Variants in LRRC8E observed in about 807,000 individuals in gnomAD.
LRRC8E encodes the protein volume-regulated anion channel subunit LRRC8E.
In LRRC8E, 6 loss-of-function variants were observed where a neutral mutation model predicts 6.1. That is an observed-to-expected ratio of 0.98 (90% CI 0.54 to 1.93). LRRC8E has a LOEUF of 1.93. Ranked by LOEUF, LRRC8E falls within the 30% of genes most tolerant of loss-of-function variation. The pLI, the probability that LRRC8E is intolerant of heterozygous loss-of-function variation, is 0.01. For synonymous variants in LRRC8E, 485 were observed against 472.8 expected (o/e 1.03, Z -0.33); for missense variants, 1,028 against 1,031.4 (o/e 1.00, Z 0.04).
At chr19:7,896,254 C>CTT (rs112146241) in intron 2 of LRRC8E, among the ~76,000 whole-genome samples, 6 of 136,542 alleles carry the variant, frequency 4.4e-5, no homozygotes, top group Admixed American at 7.4e-5. Flanking sequence ...CTTTTTTTTT[C>CTT]TTTTTTTTTT....
chr19:7,896,695 G>A (rs1021148713), intron 2 of LRRC8E, among the ~76,000 whole-genome samples: 1 of 152,192 alleles, frequency 6.6e-6, no homozygotes, highest in African/African-American at 2.4e-5. Flanking sequence ...CTGGACTCAA[G>A]TGATCTTCCC....
In LRRC8E at chr19:7,900,575, C is replaced by A. The variant is rs1218433895; in HGVS notation, c.2053C>A (p.His685Asn). The A allele has an allele frequency of 6.2e-7, 1 of 1,613,128 alleles. No homozygotes were observed. Among genetic ancestry groups the A allele is most frequent in the East Asian group, 2.2e-5 (1 of 44,894 alleles). ...AGGCCTCCGTCTGCTGGATGTGTCC[C>A]ACAATGGGCTACACTCCCTGCCACC... Reference protein sequence around the residue: ...CSGLRLLDVSHNGLHSLPPEV... With the variant: ...CSGLRLLDVSNNGLHSLPPEV... The change falls in exon 3 of 3, where the codon CAC becomes AAC. Residue 685 changes from histidine to asparagine, a missense_variant. Transcript: ENST00000306708. This position sits in a 1 kb window ranked among gnomAD's most constrained non-coding sequence, Gnocchi z 5.0.
In LRRC8E at chr19:7,895,812, T is replaced by C; in HGVS notation, c.138+71T>C. On this transcript the variant is annotated intron_variant, in intron 2 of 2. Coordinates refer to ENST00000306708, the MANE Select transcript of LRRC8E (RefSeq NM_025061.6). The surrounding 1 kb of genome is among the most constrained non-coding windows in gnomAD (Gnocchi z 4.7). ...AGGTGTCTGGGGAAGTCGGGAAGCC[T>C]TCTCATCACCCAAGAAAGAGAGGAA... The C allele has an allele frequency of 6.4e-7, 1 of 1,570,966 alleles. No individual in the cohort carries two copies. The highest frequency in any genetic ancestry group is 2.3e-5 in the East Asian group (1 of 44,146).
At chr19:7,888,904 A>G (rs1301115734) in intron 1 of LRRC8E, among the ~76,000 whole-genome samples, 1 of 152,174 alleles carries the variant, frequency 6.6e-6, no homozygotes, top group African/African-American at 2.4e-5. Flanking sequence ...TCCCCTTGGC[A>G]TCTGGGAAGA....
rs760291019 is a variant in LRRC8E, at chr19:7,900,959, C to T, written c.*46C>T. 1.8e-5 allele frequency: 26 copies of T among 1,476,166 alleles called. No homozygotes were observed. Among genetic ancestry groups the T allele is most frequent in the Non-Finnish European group, 2.3e-5 (26 of 1,109,642 alleles). The allele number at this position is 1,476,166 out of a possible 1,614,324, so 91.4% of individuals were successfully genotyped here. On this transcript the variant is annotated 3_prime_UTR_variant, in exon 3 of 3. Transcript: ENST00000306708. The surrounding 1 kb of genome is among the most constrained non-coding windows in gnomAD (Gnocchi z 5.0). ...AGGTAGAGCCTTAAAAATGCTTCTG[C>T]CCTGGAATCTCAACCATTGTCTTCC...
Position 7,895,987 on chromosome 19 carries a change from G to C in LRRC8E, c.138+246G>C, listed in dbSNP as rs891233810. Among the ~76,000 whole-genome samples the C allele has an allele frequency of 1.3e-5, 2 of 152,128 alleles. No homozygotes were observed. The highest frequency in any genetic ancestry group is 4.8e-5 in the African/African-American group (2 of 41,438). On this transcript the variant is annotated intron_variant, in intron 2 of 2. Coordinates refer to ENST00000306708, the MANE Select transcript of LRRC8E (RefSeq NM_025061.6). This position sits in a 1 kb window ranked among gnomAD's most constrained non-coding sequence, Gnocchi z 4.7. ...GAGTCTCACTCTGTCACCCAGGCTA[G>C]AGTACAGTGGCATGATCTCAGCTCC...
At position 7,899,665 on chromosome 19, in the gene LRRC8E, C is replaced by G; in HGVS notation, c.1143C>G (p.Phe381Leu). The change falls in exon 3 of 3, where the codon TTC becomes TTG. Residue 381 changes from phenylalanine (F) to leucine (L), a missense_variant. Phe to Leu is a conservative substitution (Grantham distance 22, BLOSUM62 0). Transcript: ENST00000306708. Reference sequence around the variant, plus strand: ...ACGACTCCCTCTACTCCAAGCGCTTCGCCGTCTTCCTGTCCGAGGTCAGCG... The same window carrying G: ...ACGACTCCCTCTACTCCAAGCGCTTGGCCGTCTTCCTGTCCGAGGTCAGCG... ...DQYDSLYSKRFAVFLSEVSES... is the reference protein window; with the variant it reads ...DQYDSLYSKRLAVFLSEVSES... 1 of 1,613,750 alleles carries G rather than the reference C, an allele frequency of 6.2e-7. No homozygotes were observed. The highest frequency in any genetic ancestry group is 8.5e-7 in the Non-Finnish European group (1 of 1,180,044).
At chr19:7,889,455 G>C (rs1352566478) in intron 1 of LRRC8E, among the ~76,000 whole-genome samples, 2 of 139,088 alleles carry the variant, frequency 1.4e-5, no homozygotes, top group Admixed American at 7.3e-5. Context: ...AAAAAAAAAA[G>C]ATTGAGGCCA....
rs530333496 is a variant in LRRC8E, at chr19:7,897,613, C to T, written c.139-1048C>T. Among the ~76,000 whole-genome samples, 3 of 151,032 alleles carry T rather than the reference C, an allele frequency of 2.0e-5. No individual in the cohort carries two copies. The Admixed American group carries it at 2.0e-4, about 10-fold the overall frequency. ...CTCTACCACCCCCGCTTGGCCCCCCCTCCCACTGCCTCCCAAATCACTGGG... is the reference window on the plus strand; with the variant it reads ...CTCTACCACCCCCGCTTGGCCCCCCTTCCCACTGCCTCCCAAATCACTGGG... On this transcript the variant is annotated intron_variant, in intron 2 of 2. Coordinates refer to ENST00000306708, the MANE Select transcript of LRRC8E (RefSeq NM_025061.6).
In LRRC8E at chr19:7,900,467, G is replaced by T; in HGVS notation, c.1945G>T (p.Val649Leu). ...CCAGATCGCCTACGTCCCTGAGCAC[G>T]TGCGGAAGCTCAGGAGCCTGGAGCA... ...HNQIAYVPEHVRKLRSLEQLY... is the reference protein window; with the variant it reads ...HNQIAYVPEHLRKLRSLEQLY... Residue 649 changes from valine to leucine, a missense_variant, in exon 3 of 3, where the codon GTG becomes TTG. By Grantham distance (32) the Val-to-Leu change is conservative (BLOSUM62 1). Coordinates refer to ENST00000306708, the MANE Select transcript of LRRC8E (RefSeq NM_025061.6). This position sits in a 1 kb window ranked among gnomAD's most constrained non-coding sequence, Gnocchi z 5.0. 1.2e-6 allele frequency: 2 copies of T among 1,612,984 alleles called. No homozygotes were observed. The highest frequency in any genetic ancestry group is 1.7e-6 in the Non-Finnish European group (2 of 1,180,000).
intron 1 of LRRC8E, among the ~76,000 whole-genome samples, chr19:7,889,665 C>A (rs1490072477): frequency 6.6e-6 from 1 of 151,776 alleles, no homozygotes; most frequent in African/African-American, 2.4e-5. Flanking sequence ...ATCACTTGAG[C>A]CCAGGAGTTC....
intron 1 of LRRC8E, among the ~76,000 whole-genome samples, chr19:7,893,383 T>C (rs1981415509): frequency 6.6e-6 from 1 of 151,612 alleles, no homozygotes; most frequent in South Asian, 2.1e-4. Flanking sequence ...TCAAGTGATC[T>C]GCCCACCTCG....
Position 7,898,745 on chromosome 19 carries a change from C to G in LRRC8E, c.223C>G (p.Arg75Gly), listed in dbSNP as rs761550923. The G allele has an allele frequency of 3.1e-6, 5 of 1,613,934 alleles. No homozygotes were observed. In the Admixed American group the frequency reaches 8.3e-5, roughly 27 times the overall value. The part of the protein sequence containing the change: ...SEAPCQQLLP[R>G]GIPEQIGALQ... ...GGCCCCGTGCCAGCAATTGCTGCCT[C>G]GGGGGATCCCTGAGCAGATTGGGGC... Residue 75 changes from arginine to glycine, a missense_variant, in exon 3 of 3, where the codon CGG becomes GGG. Transcript: ENST00000306708.
intron 1 of LRRC8E, among the ~76,000 whole-genome samples, chr19:7,890,845 C>T (rs1233346481): frequency 6.6e-6 from 1 of 152,056 alleles, no homozygotes; most frequent in African/African-American, 2.4e-5. Context: ...TTATAGGTGC[C>T]CACCACCACT....
chr19:7,898,745 C>T lies in LRRC8E; in HGVS notation c.223C>T (p.Arg75Trp), dbSNP rs761550923. ...SEAPCQQLLP[R>W]GIPEQIGALQ... is the part of the protein sequence containing the mutation. The stretch of plus-strand genomic sequence containing the variant: ...GGCCCCGTGCCAGCAATTGCTGCCT[C>T]GGGGGATCCCTGAGCAGATTGGGGC... The change falls in exon 3 of 3, where the codon CGG (arginine) becomes TGG (tryptophan). Residue 75 changes from arginine (R) to tryptophan (W), a missense_variant. Physicochemically the swap from Arg to Trp is moderately radical, Grantham distance 101. Coordinates refer to ENST00000306708, the MANE Select transcript of LRRC8E (RefSeq NM_025061.6). 1.3e-5 allele frequency: 21 copies of T among 1,613,934 alleles called. No individual in the cohort carries two copies. In the South Asian group the frequency reaches 1.6e-4, roughly 13 times the overall value.
rs752281820 is a variant in LRRC8E at position 7,899,256 on chromosome 19, T to TG, written c.736dup (p.Glu246GlyfsTer20). On this transcript the variant is annotated frameshift_variant, in exon 3 of 3. Transcript: ENST00000306708. LOFTEE classifies it low-confidence loss of function (END_TRUNC). Reference sequence around the variant, plus strand: ...AAGGTGAAGAAGTTCCGCATGCACGTGGAAGAGGGCGACATCCTGTACACC... The same window carrying TG: ...AAGGTGAAGAAGTTCCGCATGCACGTGGGAAGAGGGCGACATCCTGTACACC... 6.2e-7 allele frequency: 1 copy of TG among 1,614,184 alleles called. No individual in the cohort carries two copies. The highest frequency in any genetic ancestry group is 1.1e-5 in the South Asian group (1 of 91,090).
Position 7,900,804 on chromosome 19 carries a change from C to T in LRRC8E, c.2282C>T (p.Pro761Leu). Reference protein sequence around the residue: ...ELKGNRLEALPEELGNCGGLK... With the variant: ...ELKGNRLEALLEELGNCGGLK... ...AAAGGCAACCGCTTAGAGGCGCTGCCAGAAGAACTTGGCAACTGTGGGGGG... is the reference window on the plus strand; with the variant it reads ...AAAGGCAACCGCTTAGAGGCGCTGCTAGAAGAACTTGGCAACTGTGGGGGG... Residue 761 changes from proline (P) to leucine (L), a missense_variant, in exon 3 of 3, where the codon CCA becomes CTA. Pro to Leu is a moderately conservative substitution (Grantham distance 98). Transcript: ENST00000306708. The surrounding 1 kb of genome is among the most constrained non-coding windows in gnomAD (Gnocchi z 5.0). The T allele has an allele frequency of 6.3e-7, 1 of 1,599,044 alleles. No individual in the cohort carries two copies. Among genetic ancestry groups the T allele is most frequent in the Non-Finnish European group, 8.5e-7 (1 of 1,171,552 alleles).
chr19:7,890,921 T>C (rs1449429028), intron 1 of LRRC8E, among the ~76,000 whole-genome samples: 1 of 152,190 alleles, frequency 6.6e-6, no homozygotes, highest in Non-Finnish European at 1.5e-5. Context: ...GGTCTCAAAC[T>C]CCTGACCTCA....
chr19:7,897,087 A>T (rs1568264823), intron 2 of LRRC8E, among the ~76,000 whole-genome samples: 2 of 152,036 alleles, frequency 1.3e-5, no homozygotes, highest in African/African-American at 4.8e-5. Flanking sequence ...AGTGAGGGAG[A>T]ATCTTCCAAG....
Sources: gnomAD v4.1 joint callset for allele counts (sites outside exome capture counted in the v4.1 genomes callset) on GRCh38, gnomAD v4.1.1 for gene constraint, Gnocchi (gnomAD v3.1) non-coding constraint, MANE v1.5 for transcripts, NCBI Gene and HGNC (gene_info 2026-07-23, HGNC 2026-07-21) for gene names.